Variants in SYT1 observed in about 807,000 individuals in gnomAD.
SYT1 encodes synaptotagmin 1, also known as synaptotagmin-1.
A neutral mutation model predicts 44.8 loss-of-function variants in SYT1; 8 were observed. The ratio of observed to expected loss-of-function variants is 0.18; its 90% CI spans 0.10 to 0.32. SYT1 has a LOEUF of 0.32. SYT1 is among the 10% of genes least tolerant of loss of function. SYT1 has a pLI of 1.00. For missense variants in SYT1, 286 were observed against 509.3 expected (o/e 0.56, Z 4.22); for synonymous variants, 154 against 188.8 (o/e 0.82, Z 1.51).
chr12:78,883,923 C>G (rs1874596117), intron 1 of SYT1, among the ~76,000 whole-genome samples: 1 of 151,320 alleles, frequency 6.6e-6, no homozygotes, highest in African/African-American at 2.4e-5. Context: ...AATTATGATT[C>G]ATTTCTAGTA....
intron 10 of SYT1, among the ~76,000 whole-genome samples, chr12:79,444,922 A>G (rs1026835592): frequency 6.6e-6 from 1 of 152,198 alleles, no homozygotes; most frequent in African/African-American, 2.4e-5. Context: ...TAGTTAGCCT[A>G]TAAGAATCTA....
intron 2 of SYT1, among the ~76,000 whole-genome samples, chr12:79,029,185 C>T (rs576291145): frequency 7.3e-5 from 11 of 151,184 alleles, no homozygotes; most frequent in Admixed American, 2.0e-4. Flanking sequence ...TGCATACTAT[C>T]GGTAGTGCAG....
chr12:79,229,968 T>C (rs946729471), intron 4 of SYT1, among the ~76,000 whole-genome samples: 2 of 152,094 alleles, frequency 1.3e-5, no homozygotes, highest in East Asian at 1.9e-4. Flanking sequence ...ATTTTCAGTA[T>C]ATTAAAAACT....
At chr12:79,008,957 T>A (rs952253841) in intron 2 of SYT1, among the ~76,000 whole-genome samples, 13 of 152,120 alleles carry the variant, frequency 8.5e-5, no homozygotes, top group African/African-American at 2.9e-4. Flanking sequence ...AGGAAAAACA[T>A]TTTGGTAAAA....
intron 9 of SYT1, among the ~76,000 whole-genome samples, chr12:79,421,035 C>T (rs1417663457): frequency 1.3e-5 from 2 of 152,072 alleles, no homozygotes; most frequent in African/African-American, 4.8e-5. Flanking sequence ...GAAATTGAGC[C>T]ATGCTTAAAG....
intron 1 of SYT1, among the ~76,000 whole-genome samples, chr12:78,918,106 GT>G (rs1876771893): frequency 6.6e-6 from 1 of 152,024 alleles, no homozygotes; most frequent in South Asian, 2.1e-4. Context: ...CTGCTAGCAA[GT>G]TAAAGAAAAG....
chr12:79,357,689 T>A lies in SYT1; in HGVS notation c.928+4070T>A, dbSNP rs140534198. Among the ~76,000 whole-genome samples, 4 of 152,334 alleles carry A rather than the reference T, an allele frequency of 2.6e-5. No homozygotes were observed. In the East Asian group the frequency reaches 7.7e-4, roughly 29 times the overall value. On this transcript the variant is annotated intron_variant, in intron 9 of 10. Coordinates refer to ENST00000261205, the MANE Select transcript of SYT1 (RefSeq NM_005639.3). ...GTATTTGTATTGAGATCTTGAATCT[T>A]GCAGGCTGCAAGACTGTTCTTCAGG...
chr12:79,026,657 C>CAT (rs1170233808), intron 2 of SYT1, among the ~76,000 whole-genome samples: 10 of 89,060 alleles, frequency 1.1e-4, no homozygotes, highest in Middle Eastern at 7.5e-3. Context: ...TGTGTATATA[C>CAT]ATATATATTT....
chr12:78,940,624 AG>A (rs1878298465), intron 1 of SYT1, among the ~76,000 whole-genome samples: 2 of 151,946 alleles, frequency 1.3e-5, no homozygotes, highest in Non-Finnish European at 2.9e-5. Flanking sequence ...CTTGGCCTCA[AG>A]CATCCTCCTG....
chr12:79,445,155 C>T (rs1565961012), intron 10 of SYT1, among the ~76,000 whole-genome samples: 3 of 152,024 alleles, frequency 2.0e-5, no homozygotes, highest in Non-Finnish European at 2.9e-5. Context: ...AACAAATACT[C>T]TTTATTTATT....
At chr12:79,418,330 AG>A (rs1485554152) in intron 9 of SYT1, among the ~76,000 whole-genome samples, 1 of 152,170 alleles carries the variant, frequency 6.6e-6, no homozygotes, top group Non-Finnish European at 1.5e-5. Context: ...ACTGGATGGA[AG>A]GTTACACTAA....
At chr12:78,912,222 T>C (rs1031493898) in intron 1 of SYT1, among the ~76,000 whole-genome samples, 1 of 152,000 alleles carries the variant, frequency 6.6e-6, no homozygotes. Context: ...GTATTCTTTT[T>C]TTCTTCTTGT....
chr12:79,264,337 A>T (rs949401072), intron 4 of SYT1, among the ~76,000 whole-genome samples: 4 of 151,784 alleles, frequency 2.6e-5, no homozygotes, highest in Non-Finnish European at 5.9e-5. Flanking sequence ...CCACCACCAC[A>T]CCTGGCTAAT....
chr12:79,392,760 T>TG (rs1316248400), intron 9 of SYT1: 1 of 45,442 alleles, frequency 2.2e-5, no homozygotes, highest in Admixed American at 3.9e-4. Flanking sequence ...CCTGAAAGCA[T>TG]TTTTTTTTTT....
intron 3 of SYT1, among the ~76,000 whole-genome samples, chr12:79,193,398 A>C (rs1873248172): frequency 6.6e-6 from 1 of 152,186 alleles, no homozygotes; most frequent in Non-Finnish European, 1.5e-5. Context: ...TAAATAATTA[A>C]GTGGGAGTGG....
chr12:79,256,238 T>A (rs575982863), intron 4 of SYT1, among the ~76,000 whole-genome samples: 1 of 152,342 alleles, frequency 6.6e-6, no homozygotes, highest in Admixed American at 6.5e-5. Context: ...CGGCACATAT[T>A]TTCTCTACTA....
intron 2 of SYT1, among the ~76,000 whole-genome samples, chr12:79,033,147 G>C (rs574298051): frequency 6.6e-5 from 10 of 151,466 alleles, no homozygotes; most frequent in African/African-American, 2.2e-4. Context: ...ATTGGAAGCT[G>C]AGAAAACAGC....
At chr12:79,314,210 T>C (rs1367278451) in intron 8 of SYT1, among the ~76,000 whole-genome samples, 1 of 151,716 alleles carries the variant, frequency 6.6e-6, no homozygotes, top group Non-Finnish European at 1.5e-5. Flanking sequence ...GTTTTTGTTA[T>C]TAAAAACATT....
Position 79,296,211 on chromosome 12 carries a change from T to A in SYT1, c.617T>A (p.Val206Asp). The A allele has an allele frequency of 1.2e-6, 2 of 1,612,530 alleles. No individual in the cohort carries two copies. Among genetic ancestry groups the A allele is most frequent in the Non-Finnish European group, 1.7e-6 (2 of 1,179,486 alleles). Reference sequence around the variant, plus strand: ...GTCCACCGAAAAACCCTTAATCCTGTCTTCAATGAGCAATTTACTTTCAAG... The same window carrying A: ...GTCCACCGAAAAACCCTTAATCCTGACTTCAATGAGCAATTTACTTTCAAG... ...TKVHRKTLNPVFNEQFTFKVP... is the reference protein window; with the variant it reads ...TKVHRKTLNPDFNEQFTFKVP... Residue 206 changes from valine (V) to aspartate (D), a missense_variant, in exon 7 of 11, where the codon GTC becomes GAC. This residue lies in a region of SYT1 where 81 missense variants were observed against 164.9 expected (regional missense o/e 0.49). Transcript: ENST00000261205.
Sources: allele counts gnomAD v4.1 joint callset (sites outside exome capture counted in the v4.1 genomes callset), GRCh38; gene constraint gnomAD v4.1.1; regional missense constraint gnomAD v4.1.1; transcripts MANE v1.5; gene names NCBI Gene and HGNC (gene_info 2026-07-23, HGNC 2026-07-21).